The following UNC13B variants were observed in gnomAD, a reference collection of about 807,000 sequenced individuals.
The protein encoded by UNC13B is unc-13 homolog B.
UNC13B carries 144 observed loss-of-function variants against 211.0 expected under a neutral mutation model. That is an observed-to-expected ratio of 0.68 (90% confidence interval 0.60 to 0.78). The LOEUF (loss-of-function observed/expected upper bound fraction) is 0.78. Among genes scored for constraint, UNC13B ranks in the 30% least tolerant of loss-of-function variants. UNC13B has a pLI of 0.00. For synonymous variants in UNC13B, 709 were observed against 725.8 expected, an observed-to-expected ratio of 0.98 and a Z score of 0.37; for missense variants, 1,777 against 2,002.0, an observed-to-expected ratio of 0.89 and a Z score of 2.14.
In UNC13B at chr9:35,245,746, A is replaced by G. The variant is rs1320000127; in HGVS notation, c.468+2382A>G. ...GTGCCACATTTTCTTAATCCAGTCT[A>G]TCATTGTTGGACATTTGGGTTGGTT... is the stretch of plus-strand genomic sequence containing the variant. On this transcript the variant is annotated intron_variant, in intron 6 of 39. Coordinates refer to ENST00000635942, the MANE Select transcript of UNC13B (RefSeq NM_001371189.2). 3.9e-5 allele frequency among the ~76,000 whole-genome samples: 6 copies of G among 152,040 alleles called. No homozygotes were observed. In the East Asian group the frequency reaches 9.7e-4, roughly 25 times the overall value.
intron 1 of UNC13B, among the ~76,000 whole-genome samples, chr9:35,175,321 A>G (rs1821563772): frequency 6.6e-6 from 1 of 152,234 alleles, no homozygotes; most frequent in South Asian, 2.1e-4. Context: ...ATTTGGTAAT[A>G]AAGACATTAG....
intron 7 of UNC13B, among the ~76,000 whole-genome samples, chr9:35,275,074 G>A (rs1296223235): frequency 7.2e-5 from 11 of 152,050 alleles, no homozygotes; most frequent in Non-Finnish European, 1.6e-4. Context: ...GCTGGATAAA[G>A]TTATGAATTC....
At chr9:35,374,699 TG>T (rs759624368) in intron 13 of UNC13B, among the ~76,000 whole-genome samples, 3 of 152,218 alleles carry the variant, frequency 2.0e-5, no homozygotes, top group Non-Finnish European at 4.4e-5. Context: ...GAGGTTAGCA[TG>T]GAATCATTTT....
chr9:35,404,226 A>G lies in UNC13B; in HGVS notation c.*193A>G. On this transcript the variant is annotated 3_prime_UTR_variant, in exon 40 of 40. Transcript: ENST00000635942. Reference sequence around the variant, plus strand: ...AAGGGTCATGAAGCCCTGGCCCAACAGGACTGTGGTACTAGGGGCTGGGAT... The same window carrying G: ...AAGGGTCATGAAGCCCTGGCCCAACGGGACTGTGGTACTAGGGGCTGGGAT... 1 of 700,794 alleles carries G rather than the reference A, an allele frequency of 1.4e-6. No individual in the cohort carries two copies. The highest frequency in any genetic ancestry group is 2.3e-6 in the Non-Finnish European group (1 of 432,050). The allele number at this position is 700,794 out of a possible 1,614,324, so 43.4% of individuals were successfully genotyped here.
chr9:35,323,135 G>A (rs1374442546), intron 11 of UNC13B, among the ~76,000 whole-genome samples: 1 of 151,026 alleles, frequency 6.6e-6, no homozygotes, highest in Non-Finnish European at 1.5e-5. Context: ...ATCCATTTAT[G>A]AGCATGTGTG....
chr9:35,195,514 G>A (rs1822887123), intron 1 of UNC13B, among the ~76,000 whole-genome samples: 1 of 152,100 alleles, frequency 6.6e-6, no homozygotes, highest in South Asian at 2.1e-4. Context: ...CTTGGCAAAA[G>A]TAACCTCTAA....
chr9:35,364,623 C>T lies in UNC13B; in HGVS notation c.9415-2324C>T. ...TTTTGTCTATTTCCCTCCCCTCCTT[C>T]CCAAGCACTGTATGTGTGTGTGTAT... On this transcript the variant is annotated intron_variant, in intron 11 of 39. Coordinates refer to ENST00000635942, the MANE Select transcript of UNC13B (RefSeq NM_001371189.2). The T allele has an allele frequency of 2.0e-6, 3 of 1,518,130 alleles. No homozygotes were observed. The South Asian group carries it at 3.6e-5, about 18-fold the overall frequency. The allele number at this position is 1,518,130 out of a possible 1,614,324, so 94.0% of individuals were successfully genotyped here. A position where few individuals can be genotyped will look rare whatever the true frequency, so the allele number is the denominator to read the frequency against.
chr9:35,348,053 A>G (rs1018459307), intron 11 of UNC13B, among the ~76,000 whole-genome samples: 4 of 152,354 alleles, frequency 2.6e-5, no homozygotes, highest in Admixed American at 6.5e-5. Flanking sequence ...CCTGACCAAC[A>G]TGGAGAAACC....
intron 6 of UNC13B, among the ~76,000 whole-genome samples, chr9:35,256,515 T>A (rs1002915417): frequency 6.6e-6 from 1 of 152,206 alleles, no homozygotes; most frequent in Non-Finnish European, 1.5e-5. Flanking sequence ...CTATTTTCTT[T>A]CTTATTTTTT....
chr9:35,166,970 C>G (rs1821070579), intron 1 of UNC13B, among the ~76,000 whole-genome samples: 1 of 152,124 alleles, frequency 6.6e-6, no homozygotes. Context: ...GGCATGTGAG[C>G]TGCATGTGGC....
rs1431162462 is a variant in UNC13B, at chr9:35,195,808, C to A, written c.23-32207C>A. ...CAGCTTTGTTAGAGTTGTTTTTTTT[C>A]CTCCCCCTCCTTCACAAACATCTTG... On this transcript the variant is annotated intron_variant, in intron 1 of 39. Transcript: ENST00000635942. 2.7e-5 allele frequency among the ~76,000 whole-genome samples: 4 copies of A among 150,302 alleles called. No homozygotes were observed. The East Asian group carries it at 8.1e-4, about 30-fold the overall frequency.
At chr9:35,236,862 C>T (rs747741644) in intron 4 of UNC13B, among the ~76,000 whole-genome samples, 10 of 152,072 alleles carry the variant, frequency 6.6e-5, no homozygotes, top group Non-Finnish European at 1.5e-4. Context: ...ATGTGTGTGT[C>T]GGTGTGTGTG....
In UNC13B at chr9:35,306,537, A is replaced by G. The variant is rs1829931509; in HGVS notation, c.7133A>G (p.His2378Arg). ...PSDSLSNSFS[H>R]AKQLIEKFND... ...GACTCACTGTCCAACTCTTTTTCACATGCTAAACAGTTAATTGAAAAATTC... is the reference window on the plus strand; with the variant it reads ...GACTCACTGTCCAACTCTTTTTCACGTGCTAAACAGTTAATTGAAAAATTC... The change falls in exon 9 of 40, where the codon CAT becomes CGT. Residue 2378 changes from histidine (H) to arginine (R), a missense_variant. Physicochemically the swap from His to Arg is conservative, Grantham distance 29. Transcript: ENST00000635942. 1 of 399,030 alleles carries G rather than the reference A, an allele frequency of 2.5e-6. No individual in the cohort carries two copies. Among genetic ancestry groups the G allele is most frequent in the Non-Finnish European group, 4.4e-6 (1 of 226,066 alleles). The allele number at this position is 399,030 out of a possible 1,614,324, so 24.7% of individuals were successfully genotyped here.
chr9:35,258,386 A>G (rs1462841406), intron 6 of UNC13B, among the ~76,000 whole-genome samples: 1 of 151,990 alleles, frequency 6.6e-6, no homozygotes, highest in Non-Finnish European at 1.5e-5. Flanking sequence ...TTTTCCTTTT[A>G]TGGAACATTG....
At chr9:35,191,432 T>C (rs1407670568) in intron 1 of UNC13B, among the ~76,000 whole-genome samples, 1 of 152,158 alleles carries the variant, frequency 6.6e-6, no homozygotes, top group African/African-American at 2.4e-5. Flanking sequence ...TGGTTTACAG[T>C]GTATAGTCTA....
At chr9:35,231,088 G>A in intron 2 of UNC13B, 32 bp from the exon 3 acceptor site, 9 of 1,410,254 alleles carry the variant, frequency 6.4e-6, no homozygotes, top group Non-Finnish European at 9.0e-6. Context: ...TGAGCACTAA[G>A]TATTATGTCT....
In UNC13B at chr9:35,375,107, C is replaced by G. The variant is rs1483108531; in HGVS notation, c.9541-20C>G. ...AGCCCTTGGCAGTGGTCAGGGCTAA[C>G]AGCAGATCTTCCCTGACAGTCACTG... On this transcript the variant is annotated intron_variant, in intron 13 of 39. Coordinates refer to ENST00000635942, the MANE Select transcript of UNC13B (RefSeq NM_001371189.2). 3 of 1,613,932 alleles carry G rather than the reference C, an allele frequency of 1.9e-6. No homozygotes were observed. Among genetic ancestry groups the G allele is most frequent in the Non-Finnish European group, 2.5e-6 (3 of 1,179,822 alleles).
intron 1 of UNC13B, among the ~76,000 whole-genome samples, chr9:35,188,518 G>T (rs577050073): frequency 6.6e-6 from 1 of 152,078 alleles, no homozygotes; most frequent in African/African-American, 2.4e-5. Context: ...ACATCATTTT[G>T]GCAATCTTAT....
intron 12 of UNC13B, among the ~76,000 whole-genome samples, chr9:35,369,551 G>A (rs935710979): frequency 1.3e-4 from 20 of 152,168 alleles, no homozygotes; most frequent in Non-Finnish European, 2.9e-4. Context: ...GTATAGAAAA[G>A]GTGTAAAAGT....
Sources: allele counts gnomAD v4.1 joint callset (sites outside exome capture counted in the v4.1 genomes callset), GRCh38; gene constraint gnomAD v4.1.1; transcripts MANE v1.5; gene names NCBI Gene and HGNC (gene_info 2026-07-23, HGNC 2026-07-21).